Variants in ZFHX3 observed in about 807,000 individuals in gnomAD.
ZFHX3 encodes the protein zinc finger homeobox protein 3.
In ZFHX3, 42 loss-of-function variants were observed where a neutral mutation model predicts 279.1. The observed-to-expected ratio is 0.15, with a 90% CI of 0.12 to 0.19. The LOEUF (loss-of-function observed/expected upper bound fraction) is 0.19, where lower values mean the gene tolerates loss of function less well. Among genes scored for constraint, ZFHX3 ranks in the 10% least tolerant of loss-of-function variants. The pLI, the probability that ZFHX3 is intolerant of heterozygous loss-of-function variation, is 1.00. For missense variants in ZFHX3, 4,981 were observed against 4,754.0 expected, an observed-to-expected ratio of 1.05 and a Z score of -1.40; for synonymous variants, 2,293 against 1,957.8, an observed-to-expected ratio of 1.17 and a Z score of -4.52.
chr16:72,998,923 TTTC>T (rs1236695186), intron 1 of ZFHX3, among the ~76,000 whole-genome samples: 2 of 152,068 alleles, frequency 1.3e-5, no homozygotes, highest in African/African-American at 4.8e-5. Context: ...ACCCCTGGGG[TTTC>T]TTAATTTAAA....
At chr16:73,155,123 A>G (rs1481026387) in intron 5 of ZFHX3, among the ~76,000 whole-genome samples, 2 of 151,076 alleles carry the variant, frequency 1.3e-5, no homozygotes, top group Admixed American at 6.6e-5. Flanking sequence ...AAGTGAGCTA[A>G]GATTGGGCCA....
At chr16:72,998,940 C>G (rs1194487539) in intron 1 of ZFHX3, among the ~76,000 whole-genome samples, 2 of 152,172 alleles carry the variant, frequency 1.3e-5, no homozygotes, top group Non-Finnish European at 2.9e-5. Flanking sequence ...ATTTAAAATC[C>G]TCATAACCCT....
intron 2 of ZFHX3, among the ~76,000 whole-genome samples, chr16:73,492,588 C>T (rs2019072902): frequency 1.3e-5 from 2 of 152,170 alleles, no homozygotes; most frequent in African/African-American, 4.8e-5. Context: ...GCACCTTAAC[C>T]TCTTGAAACC....
At chr16:72,811,872 C>T (rs1235783941) in intron 6 of ZFHX3, 33 bp downstream of exon 6, 8 of 1,596,112 alleles carry the variant, frequency 5.0e-6, no homozygotes, top group African/African-American at 1.3e-5. Context: ...AAACACCTCA[C>T]CTCCCCACCA....
intron 2 of ZFHX3, among the ~76,000 whole-genome samples, chr16:73,531,501 G>A (rs2019801764): frequency 6.6e-6 from 1 of 151,958 alleles, no homozygotes; most frequent in Non-Finnish European, 1.5e-5. Context: ...GACTGCCTGA[G>A]CTCAGGAGTT....
intron 2 of ZFHX3, among the ~76,000 whole-genome samples, chr16:73,488,941 G>T (rs868030571): frequency 6.6e-6 from 1 of 152,144 alleles, no homozygotes; most frequent in South Asian, 2.1e-4. Context: ...ACTAATAATA[G>T]TTCCTATCTC....
intron 1 of ZFHX3, among the ~76,000 whole-genome samples, chr16:73,683,839 T>C (rs2053051519): frequency 6.6e-6 from 1 of 152,208 alleles, no homozygotes; most frequent in African/African-American, 2.4e-5. Context: ...AATAGTATAA[T>C]AGAATGTTAT....
At chr16:73,320,593 T>C (rs11150226) in intron 3 of ZFHX3, among the ~76,000 whole-genome samples, 136,869 of 152,180 alleles carry the variant, frequency 0.9, 62,051 homozygotes, top group African/African-American at 0.98. Flanking sequence ...TGGGTATTAT[T>C]CCAACAGCCC....
rs760832768 is a variant in ZFHX3 at position 72,787,435 on chromosome 16, C to G, written c.10841G>C (p.Arg3614Thr). The G allele has an allele frequency of 2.7e-5, 39 of 1,453,006 alleles. No individual in the cohort carries two copies. In the African/African-American group the frequency reaches 4.6e-4, roughly 17 times the overall value. The allele number at this position is 1,453,006 out of a possible 1,614,324, so 90.0% of individuals were successfully genotyped here. ...APSSASPHASRKSWPQVVSRA... is the reference protein window; with the variant it reads ...APSSASPHASTKSWPQVVSRA... ...GGAGACCACTTGCGGCCAAGACTTC[C>G]TGGAGGCGTGGGGGGAAGCGGAGGA... Residue 3614 changes from arginine (R) to threonine (T), a missense_variant, in exon 10 of 10, where the codon AGG becomes ACG. Arg to Thr is a moderately conservative substitution (Grantham distance 71, BLOSUM62 -1). Around this residue, in one of 7 missense-constraint regions of ZFHX3, gnomAD observed 1,034 missense variants for 786.0 expected, o/e 1.32. Coordinates refer to ENST00000268489, the MANE Select transcript of ZFHX3 (RefSeq NM_006885.4).
chr16:73,011,514 G>A (rs918295355), intron 1 of ZFHX3, among the ~76,000 whole-genome samples: 3 of 152,098 alleles, frequency 2.0e-5, no homozygotes, highest in Non-Finnish European at 2.9e-5. Flanking sequence ...AGGCCAAGGT[G>A]GGCAGATCAC....
rs12930835 is a variant in ZFHX3, at chr16:72,958,376, G to A, written c.1770C>T (p.Phe590=). The A allele has an allele frequency of 6.8e-3, 10,946 of 1,614,130 alleles. 55 individuals carry two copies. Among genetic ancestry groups the A allele is most frequent in the Non-Finnish European group, 8.0e-3 (9,445 of 1,180,014 alleles). Residue 590 remains phenylalanine, a synonymous_variant, in exon 2 of 10, where the codon TTC becomes TTT. Coordinates refer to ENST00000268489, the MANE Select transcript of ZFHX3 (RefSeq NM_006885.4). ...TGTCTTTATTGGCACTTTCGTCAGC[G>A]AAGTCCAGCCTCCTGCCGCCCTCTG... ...NVAEGGRRLD[F]ADESANKDNA...
intron 1 of ZFHX3, among the ~76,000 whole-genome samples, chr16:73,681,503 A>G (rs1160965916): frequency 1.3e-5 from 2 of 152,240 alleles, no homozygotes; most frequent in Non-Finnish European, 2.9e-5. Context: ...CCGAGAGATA[A>G]AGAATGAAAT....
At chr16:73,888,052 C>G (rs1301672175) in intron 1 of ZFHX3, among the ~76,000 whole-genome samples, 1 of 152,158 alleles carries the variant, frequency 6.6e-6, no homozygotes, top group Non-Finnish European at 1.5e-5. Context: ...AACGGGGCCC[C>G]TCCTTTCCAT....
chr16:72,832,340 G>GA (rs1208585153), intron 4 of ZFHX3, among the ~76,000 whole-genome samples: 1 of 152,084 alleles, frequency 6.6e-6, no homozygotes, highest in Non-Finnish European at 1.5e-5. Flanking sequence ...GTTGCTTTGT[G>GA]AATATTCCTG....
At chr16:73,797,807 C>CTTTTTTTTT (rs35369374) in intron 1 of ZFHX3, among the ~76,000 whole-genome samples, 1 of 82,874 alleles carries the variant, frequency 1.2e-5, no homozygotes, top group Non-Finnish European at 2.2e-5. Flanking sequence ...CTTCTGAAGA[C>CTTTTTTTTT]TTTTTTTTTT....
At chr16:73,871,170 A>G (rs2142400668) in intron 1 of ZFHX3, among the ~76,000 whole-genome samples, 1 of 152,336 alleles carries the variant, frequency 6.6e-6, no homozygotes, top group East Asian at 1.9e-4. Flanking sequence ...GGCACAGCAC[A>G]TGGTGCTCAA....
intron 4 of ZFHX3, among the ~76,000 whole-genome samples, chr16:72,848,636 C>T (rs1229539945): frequency 2.0e-5 from 2 of 99,354 alleles, no homozygotes; most frequent in East Asian, 3.4e-4. Context: ...TCACCCTGTG[C>T]CCCCCCTCCC....
At chr16:73,309,493 G>T (rs531432802) in intron 4 of ZFHX3, among the ~76,000 whole-genome samples, 1 of 152,198 alleles carries the variant, frequency 6.6e-6, no homozygotes, top group Non-Finnish European at 1.5e-5. Context: ...CTCCTGCAAG[G>T]AAACTAGTCC....
At chr16:73,265,634 G>A (rs553130918) in intron 4 of ZFHX3, among the ~76,000 whole-genome samples, 1 of 152,290 alleles carries the variant, frequency 6.6e-6, no homozygotes, top group Non-Finnish European at 1.5e-5. Context: ...GAGGAATGAG[G>A]AAATCTGTGT....
Sources: gnomAD v4.1 joint callset for allele counts (sites outside exome capture counted in the v4.1 genomes callset) on GRCh38, gnomAD v4.1.1 for gene constraint, gnomAD v4.1.1 regional missense constraint, MANE v1.5 for transcripts, NCBI Gene and HGNC (gene_info 2026-07-23, HGNC 2026-07-21) for gene names.